CCDC192: variants seen among roughly 807,000 people sequenced by gnomAD.
The protein encoded by CCDC192 is coiled-coil domain-containing protein 192.
chr5:127,824,752 C>A (rs1041782494), intron 5 of CCDC192, among the ~76,000 whole-genome samples: 1 of 152,108 alleles, frequency 6.6e-6, no homozygotes, highest in Non-Finnish European at 1.5e-5. Flanking sequence ...CCTCAGCGTG[C>A]CTTGCCTTCT....
intron 2 of CCDC192, among the ~76,000 whole-genome samples, chr5:127,742,461 C>T (rs1245228237): frequency 1.3e-5 from 2 of 152,098 alleles, no homozygotes; most frequent in African/African-American, 4.8e-5. Flanking sequence ...CTTGCTAAGG[C>T]AGATAAGTTG....
chr5:127,915,896 C>G (rs1753507480), intron 6 of CCDC192, among the ~76,000 whole-genome samples: 1 of 152,110 alleles, frequency 6.6e-6, no homozygotes, highest in African/African-American at 2.4e-5. Flanking sequence ...GGCTGAAGGT[C>G]TGGGGGGCTG....
chr5:127,912,419 C>CGAAAAAAAAAA (rs755334662), intron 6 of CCDC192, among the ~76,000 whole-genome samples: 1 of 81,452 alleles, frequency 1.2e-5, no homozygotes, highest in Non-Finnish European at 2.2e-5. Flanking sequence ...CTGGGTTTAG[C>CGAAAAAAAAAA]AAAAAAAAAA....
intron 5 of CCDC192, among the ~76,000 whole-genome samples, chr5:127,827,073 G>A (rs1749565201): frequency 6.6e-6 from 1 of 152,198 alleles, no homozygotes; most frequent in South Asian, 2.1e-4. Context: ...CATGATTTGT[G>A]TAGTGGATGA....
At chr5:127,833,163 G>A (rs538352875) in intron 5 of CCDC192, among the ~76,000 whole-genome samples, 55 of 152,200 alleles carry the variant, frequency 3.6e-4, no homozygotes, top group African/African-American at 7.2e-5. Context: ...TCGCAGTCCT[G>A]CCTTGTTCTT....
intron 3 of CCDC192, 129 bp downstream of exon 3, chr5:127,754,504 C>T (rs1754455268): frequency 5.2e-6 from 2 of 386,818 alleles, no homozygotes; most frequent in African/African-American, 2.1e-5. Context: ...TACACACACA[C>T]ACACACACAT....
chr5:127,786,209 C>G, intron 3 of CCDC192: 1 of 785,304 alleles, frequency 1.3e-6, no homozygotes, highest in South Asian at 1.4e-5. Flanking sequence ...TGTGTGCCTT[C>G]ATGAAGGTAA....
rs760885970 is a variant in CCDC192 at position 127,854,216 on chromosome 5, A to T, written c.412-21322A>T. Among the ~76,000 whole-genome samples, 221 of 152,126 alleles carry T rather than the reference A, an allele frequency of 1.5e-3. 2 individuals are homozygous for T. The highest frequency in any genetic ancestry group is 2.8e-4 in the Non-Finnish European group (19 of 68,024). On this transcript the variant is annotated intron_variant, in intron 5 of 6. Transcript: ENST00000514853. ...TAAATCCTTGAGTTCCTCATAGCTC[A>T]ATCCTACACATTTTTTCTCTTTTCA...
chr5:127,801,208 G>A (rs1308558398), intron 5 of CCDC192, among the ~76,000 whole-genome samples: 3 of 152,128 alleles, frequency 2.0e-5, no homozygotes, highest in East Asian at 1.9e-4. Flanking sequence ...TGGGGTGAGG[G>A]TTCTTCTGGA....
Position 127,897,273 on chromosome 5 carries a change from C to T in CCDC192, c.535+21612C>T, listed in dbSNP as rs146394769. On this transcript the variant is annotated intron_variant, in intron 6 of 6. Coordinates refer to ENST00000514853, the MANE Select transcript of CCDC192 (RefSeq NM_001317938.2). ...TAAAGTGAAAATTTCTATATTCAGC[C>T]CCCCGAGAATAAAAATCAACAACAA... Among the ~76,000 whole-genome samples the T allele has an allele frequency of 5.6e-3, 840 of 151,226 alleles. 9 individuals are homozygous for T. Among genetic ancestry groups the T allele is most frequent in the African/African-American group, 0.019 (802 of 41,190 alleles).
At chr5:127,847,844 AATAAATAAATAC>A (rs1554080655) in intron 5 of CCDC192, among the ~76,000 whole-genome samples, 1 of 151,084 alleles carries the variant, frequency 6.6e-6, no homozygotes, top group African/African-American at 2.4e-5. Flanking sequence ...TAAATAAATA[AATAAATAAATAC>A]ATAAATAAAT....
intron 3 of CCDC192, among the ~76,000 whole-genome samples, chr5:127,765,009 C>T (rs756918573): frequency 1.3e-5 from 2 of 152,080 alleles, no homozygotes; most frequent in African/African-American, 2.4e-5. Context: ...GGAGTTACAC[C>T]AATGCAAATC....
At chr5:127,714,966 T>C (rs973594647) in intron 2 of CCDC192, among the ~76,000 whole-genome samples, 6 of 71,582 alleles carry the variant, frequency 8.4e-5, no homozygotes, top group Admixed American at 7.6e-4. Flanking sequence ...ATAATGAAAT[T>C]ATTAGGTTTT....
chr5:127,859,708 T>G (rs555085694), intron 5 of CCDC192, among the ~76,000 whole-genome samples: 1 of 152,298 alleles, frequency 6.6e-6, no homozygotes, highest in East Asian at 1.9e-4. Flanking sequence ...TTATCGAAGA[T>G]TCCCTTCTCT....
intron 3 of CCDC192, among the ~76,000 whole-genome samples, chr5:127,764,804 C>T (rs1258044539): frequency 6.6e-6 from 1 of 152,138 alleles, no homozygotes; most frequent in African/African-American, 2.4e-5. Context: ...TATTGGGCCA[C>T]ATTCCATGCC....
intron 5 of CCDC192, among the ~76,000 whole-genome samples, chr5:127,866,751 C>A (rs1206778280): frequency 2.0e-5 from 3 of 152,066 alleles, no homozygotes; most frequent in African/African-American, 7.2e-5. Flanking sequence ...GAGATCACGT[C>A]CATTTCACAT....
chr5:127,873,155 A>G (rs749375002), intron 5 of CCDC192, among the ~76,000 whole-genome samples: 141 of 152,168 alleles, frequency 9.3e-4, no homozygotes, highest in Non-Finnish European at 1.3e-3. Context: ...GTGACTGTTC[A>G]TTAATTCTCA....
intron 3 of CCDC192, among the ~76,000 whole-genome samples, chr5:127,792,749 A>G (rs921040714): frequency 1.3e-5 from 2 of 151,558 alleles, no homozygotes; most frequent in African/African-American, 2.4e-5. Context: ...GAAAAGGAGA[A>G]GGAGAAAGAC....
At chr5:127,709,154 AG>A (rs1751149474) in intron 2 of CCDC192, among the ~76,000 whole-genome samples, 6 of 119,674 alleles carry the variant, frequency 5.0e-5, no homozygotes, top group Admixed American at 9.6e-5. Flanking sequence ...GAAAGAAGAG[AG>A]AGAGAGGGGG....
Sources: gnomAD v4.1 joint callset for allele counts (sites outside exome capture counted in the v4.1 genomes callset) on GRCh38, gnomAD v4.1.1 for gene constraint, MANE v1.5 for transcripts, NCBI Gene and HGNC (gene_info 2026-07-23, HGNC 2026-07-21) for gene names.